COG5: variants seen among roughly 807,000 people sequenced by gnomAD.
COG5 encodes component of oligomeric golgi complex 5.
A neutral mutation model predicts 110.4 loss-of-function variants in COG5; 86 were observed. That is an observed-to-expected ratio of 0.78 (90% CI 0.65 to 0.93). The LOEUF (loss-of-function observed/expected upper bound fraction) is 0.93. Among genes scored for constraint, COG5 ranks in the 40% least tolerant of loss-of-function variants. The pLI is 0.00. For missense variants in COG5, 1,077 were observed against 987.0 expected (o/e 1.09, Z -1.22); for synonymous variants, 360 against 334.6 (o/e 1.08, Z -0.83).
chr7:107,244,182 G>A (rs796330348), intron 17 of COG5, among the ~76,000 whole-genome samples: 4 of 152,254 alleles, frequency 2.6e-5, no homozygotes, highest in African/African-American at 9.6e-5. Context: ...AACCGAGGAG[G>A]TGGAGGCAGC....
intron 19 of COG5, among the ~76,000 whole-genome samples, chr7:107,228,013 A>T (rs949151717): frequency 3.5e-4 from 53 of 152,196 alleles, no homozygotes; most frequent in Non-Finnish European, 1.0e-4. Flanking sequence ...AGCCTAGGCC[A>T]GGTGTGGTGG....
rs188165896 is a variant in COG5 at position 107,428,843 on chromosome 7, G to A, written c.539-16211C>T. On this transcript the variant is annotated intron_variant, in intron 6 of 21. Coordinates refer to ENST00000297135, the MANE Select transcript of COG5 (RefSeq NM_006348.5). ...AATCTTCTACACAACACTCACTGGC[G>A]TATTACTAGCAAGTTCTCATATTTT... Among the ~76,000 whole-genome samples the A allele has an allele frequency of 1.6e-4, 25 of 152,260 alleles. 1 individual carries two copies. In the East Asian group the frequency reaches 2.9e-3, roughly 18 times the overall value.
At chr7:107,227,056 T>C (rs2116365533) in intron 19 of COG5, among the ~76,000 whole-genome samples, 1 of 152,148 alleles carries the variant, frequency 6.6e-6, no homozygotes, top group Non-Finnish European at 1.5e-5. Context: ...ATCTTCACAG[T>C]TTGTGGAAAG....
intron 6 of COG5, 80 bp from the exon 7 acceptor site, chr7:107,412,712 CAA>C (rs372240169): frequency 5.2e-4 from 309 of 596,764 alleles, no homozygotes; most frequent in Middle Eastern, 2.8e-3. Flanking sequence ...TATAACTTCT[CAA>C]AAAAAAAAAA....
intron 6 of COG5, among the ~76,000 whole-genome samples, chr7:107,439,637 C>CA (rs1333848400): frequency 1.3e-5 from 2 of 151,846 alleles, no homozygotes; most frequent in Admixed American, 1.3e-4. Context: ...ATATTAACTA[C>CA]ATATGTAACA....
intron 14 of COG5, among the ~76,000 whole-genome samples, 161 bp downstream of exon 14, chr7:107,281,139 T>C (rs1805131936): frequency 6.6e-6 from 1 of 152,022 alleles, no homozygotes; most frequent in Admixed American, 6.6e-5. Flanking sequence ...GTTAACAAAT[T>C]TTTTTTCTGG....
chr7:107,534,042 C>A (rs1233661951), intron 5 of COG5, among the ~76,000 whole-genome samples: 2 of 151,488 alleles, frequency 1.3e-5, no homozygotes, highest in African/African-American at 2.4e-5. Context: ...ATTTTCAACC[C>A]AGAATTTCAT....
chr7:107,335,127 T>C (rs939195133), intron 10 of COG5, among the ~76,000 whole-genome samples: 2 of 152,186 alleles, frequency 1.3e-5, no homozygotes, highest in African/African-American at 2.4e-5. Context: ...TTTTTAAAGT[T>C]TTTTCTTTCT....
Position 107,281,395 on chromosome 7 carries a change from G to T in COG5, c.1480C>A (p.Leu494Ile), listed in dbSNP as rs1805153396. The change falls in exon 14 of 22, where the codon CTA becomes ATA. Residue 494 changes from leucine to isoleucine, a missense_variant. Physicochemically the swap from Leu to Ile is conservative, Grantham distance 5. Coordinates refer to ENST00000297135, the MANE Select transcript of COG5 (RefSeq NM_006348.5). ...DGIIKTIASE[L>I]NVAAVDTNLT... ...TTTGTATCAACAGCAGCAACATTTA[G>T]TTCACTGGAGAAAATGAAAACAGTT... The T allele has an allele frequency of 6.2e-7, 1 of 1,609,848 alleles. No individual in the cohort carries two copies. Among genetic ancestry groups the T allele is most frequent in the Non-Finnish European group, 8.5e-7 (1 of 1,176,424 alleles).
chr7:107,420,126 A>G (rs981687632), intron 6 of COG5, among the ~76,000 whole-genome samples: 7 of 152,238 alleles, frequency 4.6e-5, no homozygotes, highest in Non-Finnish European at 8.8e-5. Context: ...CAAATATTAC[A>G]TGATAGAAAG....
At position 107,474,522 on chromosome 7, in the gene COG5, G is replaced by A. The variant is rs747260056; in HGVS notation, c.538+52715C>T. 3 of 1,611,716 alleles carry A rather than the reference G, an allele frequency of 1.9e-6. No homozygotes were observed. The highest frequency in any genetic ancestry group is 1.3e-5 in the African/African-American group (1 of 74,816). ...AACCTGCAAACCGAATTCTGACAAT[G>A]GGCAGAGCTGTAATGTTAATGATAT... On this transcript the variant is annotated intron_variant, in intron 6 of 21. Coordinates refer to ENST00000297135, the MANE Select transcript of COG5 (RefSeq NM_006348.5). The surrounding 1 kb of genome is among the most constrained non-coding windows in gnomAD (Gnocchi z 5.7).
chr7:107,337,352 C>T (rs1446115560), intron 10 of COG5, among the ~76,000 whole-genome samples: 4 of 152,028 alleles, frequency 2.6e-5, no homozygotes, highest in Non-Finnish European at 5.9e-5. Flanking sequence ...ATTTATTGTA[C>T]CACTATTTGC....
At chr7:107,528,082 T>C (rs1411134375) in intron 5 of COG5, among the ~76,000 whole-genome samples, 1 of 151,994 alleles carries the variant, frequency 6.6e-6, no homozygotes, top group East Asian at 1.9e-4. Flanking sequence ...TCAATTTCAT[T>C]ATTTTCCTAA....
At chr7:107,352,524 A>G (rs1812252851) in intron 10 of COG5, among the ~76,000 whole-genome samples, 1 of 151,994 alleles carries the variant, frequency 6.6e-6, no homozygotes, top group Admixed American at 6.5e-5. Flanking sequence ...ACAAAAAAAA[A>G]ACCAGAAATC....
intron 17 of COG5, among the ~76,000 whole-genome samples, chr7:107,242,314 C>T (rs533800710): frequency 6.6e-6 from 1 of 152,326 alleles, no homozygotes; most frequent in Non-Finnish European, 1.5e-5. Flanking sequence ...ACCCCCACTG[C>T]CCAGAAAAGT....
chr7:107,457,572 G>A (rs555680112), intron 6 of COG5, among the ~76,000 whole-genome samples: 1 of 152,080 alleles, frequency 6.6e-6, no homozygotes, highest in Admixed American at 6.5e-5. Flanking sequence ...GGGACTACAG[G>A]TGCCCGCCAC....
chr7:107,337,248 CA>C (rs1020812648), intron 10 of COG5, among the ~76,000 whole-genome samples: 7 of 152,006 alleles, frequency 4.6e-5, no homozygotes, highest in Non-Finnish European at 8.8e-5. Flanking sequence ...AGAGATTTCT[CA>C]AAAAACTAAA....
At chr7:107,370,654 T>C (rs1423597469) in intron 8 of COG5, among the ~76,000 whole-genome samples, 1 of 151,480 alleles carries the variant, frequency 6.6e-6, no homozygotes. Context: ...GGCATGGTGG[T>C]GGGCTTCTGT....
chr7:107,499,514 T>G (rs1798502901), intron 6 of COG5, among the ~76,000 whole-genome samples: 1 of 151,876 alleles, frequency 6.6e-6, no homozygotes, highest in African/African-American at 2.4e-5. Context: ...CAAGCCATTC[T>G]CCTGCTTCAG....
Sources: gnomAD v4.1 joint callset for allele counts (sites outside exome capture counted in the v4.1 genomes callset) on GRCh38, gnomAD v4.1.1 for gene constraint, Gnocchi (gnomAD v3.1) non-coding constraint, MANE v1.5 for transcripts, NCBI Gene and HGNC (gene_info 2026-07-23, HGNC 2026-07-21) for gene names.